Variants in SPEF2 observed in about 807,000 individuals in gnomAD.
SPEF2 encodes the protein sperm flagellar and cilia associated 2, also known as sperm flagella and cilia-associated protein 2.
SPEF2 carries 187 observed loss-of-function variants against 224.6 expected under a neutral mutation model. That is an observed-to-expected ratio of 0.83 (90% CI 0.74 to 0.94). SPEF2 has a LOEUF of 0.94. Ranked by LOEUF, SPEF2 falls within the 40% of genes least tolerant of loss-of-function variation. The probability of loss-of-function intolerance (pLI) is 0.00; values close to 1 mark genes in which losing one functional copy is unlikely to be tolerated. For synonymous variants in SPEF2, 715 were observed against 707.3 expected (o/e 1.01, Z -0.17); for missense variants, 2,170 against 2,135.6 (o/e 1.02, Z -0.32).
chr5:35,743,626 A>C (rs914210357), intron 23 of SPEF2, among the ~76,000 whole-genome samples: 3 of 152,158 alleles, frequency 2.0e-5, no homozygotes, highest in African/African-American at 7.2e-5. Context: ...TTTAGTATAA[A>C]TCCTTGTATC....
rs114821466 is a variant in SPEF2, at chr5:35,707,255, G to T, written c.2665+1447G>T. On this transcript the variant is annotated intron_variant, in intron 18 of 36. Transcript: ENST00000356031. ...TACATATGAAATAGTCTCTTTTAAG[G>T]AAAGTGTACATAATTATGTATTAAA... 1.6e-3 allele frequency among the ~76,000 whole-genome samples: 237 copies of T among 152,256 alleles called. 1 individual carries two copies. Among genetic ancestry groups the T allele is most frequent in the African/African-American group, 5.4e-3 (226 of 41,542 alleles).
rs763526589 is a variant in SPEF2 at position 35,695,788 on chromosome 5, T to C, written c.2029T>C (p.Phe677Leu). Residue 677 changes from phenylalanine to leucine, a missense_variant, in exon 14 of 37, where the codon TTC (phenylalanine) becomes CTC (leucine). Phe to Leu is a conservative substitution (Grantham distance 22). Transcript: ENST00000356031. ...TGAAGAAGTCAAATCAAGTGATAGT[T>C]TCTTAAAAGTAAGTATTATGATCTA... Reference protein sequence around the residue: ...KAEEVKSSDSFLKLTTRAQLG... With the variant: ...KAEEVKSSDSLLKLTTRAQLG... 9 of 1,606,414 alleles carry C rather than the reference T, an allele frequency of 5.6e-6. No homozygotes were observed. The highest frequency in any genetic ancestry group is 7.7e-6 in the Non-Finnish European group (9 of 1,175,612).
In SPEF2 at chr5:35,792,466, G is replaced by A; in HGVS notation, c.4554+20G>A. ...CCTGAAGTAAGCTTCTATGTTGTTT[G>A]AGTTGTAAAGCTTTAAGCATTCTTA... is the stretch of plus-strand genomic sequence containing the variant. On this transcript the variant is annotated intron_variant, in intron 31 of 36. Transcript: ENST00000356031. The A allele has an allele frequency of 6.3e-7, 1 of 1,598,896 alleles. No homozygotes were observed. The highest frequency in any genetic ancestry group is 8.6e-7 in the Non-Finnish European group (1 of 1,166,816).
chr5:35,657,901 A>G (rs1286915964), intron 7 of SPEF2, among the ~76,000 whole-genome samples: 1 of 152,204 alleles, frequency 6.6e-6, no homozygotes, highest in Non-Finnish European at 1.5e-5. Context: ...CTTCTTAACT[A>G]GAAGACCCTT....
chr5:35,648,245 T>G (rs1253101249), intron 5 of SPEF2, among the ~76,000 whole-genome samples: 3 of 152,108 alleles, frequency 2.0e-5, no homozygotes, highest in Admixed American at 6.6e-5. Flanking sequence ...TCACTTTTTT[T>G]TTGTTTTTTA....
At chr5:35,702,347 G>A (rs1276107505) in intron 16 of SPEF2, 1 of 456,018 alleles carries the variant, frequency 2.2e-6, no homozygotes, top group South Asian at 1.5e-5. Context: ...AAAGCCAATG[G>A]GCAGGAGACT....
intron 21 of SPEF2, among the ~76,000 whole-genome samples, chr5:35,736,159 G>A (rs1471542795): frequency 6.6e-6 from 1 of 152,132 alleles, no homozygotes; most frequent in African/African-American, 2.4e-5. Flanking sequence ...AAGGAAATGA[G>A]GGTCCCAAGA....
intron 3 of SPEF2, among the ~76,000 whole-genome samples, chr5:35,643,015 C>T (rs896172026): frequency 2.0e-5 from 3 of 152,158 alleles, no homozygotes; most frequent in African/African-American, 7.2e-5. Context: ...ACTGTAAAAA[C>T]AGGGATGCTT....
At chr5:35,724,624 C>T (rs1482155826) in intron 20 of SPEF2, among the ~76,000 whole-genome samples, 1 of 152,194 alleles carries the variant, frequency 6.6e-6, no homozygotes, top group Non-Finnish European at 1.5e-5. Context: ...AATTCTAGCT[C>T]TGCCATTTAC....
chr5:35,787,788 T>A (rs1580735881), intron 30 of SPEF2: 1 of 524,722 alleles, frequency 1.9e-6, no homozygotes, highest in East Asian at 2.9e-5. Flanking sequence ...AGTGAGCAAA[T>A]GTAGGGGTCA....
At chr5:35,700,023 G>GGTC (rs1738280059) in intron 15 of SPEF2, 1 of 158,374 alleles carries the variant, frequency 6.3e-6, no homozygotes. Context: ...GATAGTGAAT[G>GGTC]GTCTCACAAG....
intron 36 of SPEF2, among the ~76,000 whole-genome samples, chr5:35,808,396 C>T (rs973947467): frequency 3.3e-5 from 5 of 152,070 alleles, no homozygotes; most frequent in African/African-American, 4.8e-5. Context: ...CTATCCCTCT[C>T]CCCTTCCCCC....
Position 35,712,751 on chromosome 5 carries a change from C to T in SPEF2, c.2840-61C>T, listed in dbSNP as rs981361533. ...GAAATAGCATTAGCTTGCTTACAAT[C>T]ATATAGCCCAGGCTATTGAAGTAAA... On this transcript the variant is annotated intron_variant, in intron 19 of 36. Coordinates refer to ENST00000356031, the MANE Select transcript of SPEF2 (RefSeq NM_024867.4). 2.6e-6 allele frequency: 4 copies of T among 1,516,968 alleles called. No individual in the cohort carries two copies. The Admixed American group carries it at 5.1e-5, about 19-fold the overall frequency. The allele number at this position is 1,516,968 out of a possible 1,614,324, so 94.0% of individuals were successfully genotyped here. A position where few individuals can be genotyped will look rare whatever the true frequency, so the allele number is the denominator to read the frequency against.
chr5:35,766,218 T>C (rs1269336815), intron 26 of SPEF2, among the ~76,000 whole-genome samples: 1 of 152,066 alleles, frequency 6.6e-6, no homozygotes, highest in African/African-American at 2.4e-5. Context: ...TATTTCTTCT[T>C]GAAATGTTTG....
At chr5:35,723,025 G>GA (rs538279818) in intron 20 of SPEF2, among the ~76,000 whole-genome samples, 160 of 152,112 alleles carry the variant, frequency 1.1e-3, no homozygotes, top group African/African-American at 3.6e-3. Context: ...GGTTAAAACG[G>GA]AAAAAAGAGG....
intron 19 of SPEF2, 82 bp downstream of exon 19, chr5:35,709,203 C>T: frequency 6.4e-7 from 1 of 1,562,436 alleles, no homozygotes; most frequent in South Asian, 1.2e-5. Flanking sequence ...AGTCTATCTA[C>T]ATTCAGACTT....
chr5:35,745,354 G>T (rs1561296444), intron 23 of SPEF2, among the ~76,000 whole-genome samples: 1 of 152,174 alleles, frequency 6.6e-6, no homozygotes, highest in Non-Finnish European at 1.5e-5. Context: ...CATCCGGTGT[G>T]CAGACTCCTC....
rs546629646 is a variant in SPEF2 at position 35,779,098 on chromosome 5, T to C, written c.4218-19T>C. 1.9e-6 allele frequency: 3 copies of C among 1,584,752 alleles called. No homozygotes were observed. The highest frequency in any genetic ancestry group is 1.3e-5 in the African/African-American group (1 of 74,256). ...AGTATCTTTCATGGGGTTAACGCTA[T>C]CCATTTTACCACTTTCAGTACAGAA... On this transcript the variant is annotated intron_variant, in intron 29 of 36. Coordinates refer to ENST00000356031, the MANE Select transcript of SPEF2 (RefSeq NM_024867.4).
chr5:35,631,151 C>T (rs529379354), intron 2 of SPEF2, among the ~76,000 whole-genome samples: 76 of 152,274 alleles, frequency 5.0e-4, no homozygotes, highest in African/African-American at 1.6e-3. Flanking sequence ...GAGGAGCAAG[C>T]CACATCTTAC....
Sources: allele counts gnomAD v4.1 joint callset (sites outside exome capture counted in the v4.1 genomes callset), GRCh38; gene constraint gnomAD v4.1.1; transcripts MANE v1.5; gene names NCBI Gene and HGNC (gene_info 2026-07-23, HGNC 2026-07-21).